The following ASXL3 variants were observed in gnomAD, a reference collection of about 807,000 sequenced individuals.
ASXL3 encodes putative Polycomb group protein ASXL3.
In ASXL3, 34 loss-of-function variants were observed where a neutral mutation model predicts 170.6. That is an observed-to-expected ratio of 0.20 (90% CI 0.15 to 0.27). The LOEUF (loss-of-function observed/expected upper bound fraction) is 0.27, where lower values mean the gene tolerates loss of function less well. Among genes scored for constraint, ASXL3 ranks in the 10% least tolerant of loss-of-function variants. The probability of loss-of-function intolerance (pLI) is 1.00; values close to 1 mark genes in which losing one functional copy is unlikely to be tolerated. For missense variants in ASXL3, 2,592 were observed against 2,695.3 expected (o/e 0.96, Z 0.85); for synonymous variants, 1,002 against 989.1 (o/e 1.01, Z -0.24).
At position 33,736,542 on chromosome 18, in the gene ASXL3, C is replaced by T. The variant is rs529889007; in HGVS notation, c.1083-1945C>T. On this transcript the variant is annotated intron_variant, in intron 10 of 11. Transcript: ENST00000269197. ...TTTTTAGTTGACTGACACCACGTGC[C>T]TTTTCATTGCTGTACGCTTTTTCAA... 2.6e-5 allele frequency among the ~76,000 whole-genome samples: 4 copies of T among 152,180 alleles called. No individual in the cohort carries two copies. The South Asian group carries it at 8.3e-4, about 32-fold the overall frequency.
rs902340841 is a variant in ASXL3 at position 33,580,501 on chromosome 18, A to G, written c.54+1816A>G. Among the ~76,000 whole-genome samples, 5 of 152,342 alleles carry G rather than the reference A, an allele frequency of 3.3e-5. 1 individual carries two copies. The South Asian group carries it at 8.3e-4, about 25-fold the overall frequency. ...GTTGATTTATAAATATTTAAAAATA[A>G]TAAGTCATGAATTAGCCATATCTGC... is the stretch of plus-strand genomic sequence containing the variant. On this transcript the variant is annotated intron_variant, in intron 1 of 11. Coordinates refer to ENST00000269197, the MANE Select transcript of ASXL3 (RefSeq NM_030632.3).
rs141736718 is a variant in ASXL3, at chr18:33,702,968, G to A, written c.879+19400G>A. 7.9e-5 allele frequency among the ~76,000 whole-genome samples: 12 copies of A among 152,134 alleles called. No homozygotes were observed. The East Asian group carries it at 1.2e-3, about 15-fold the overall frequency. On this transcript the variant is annotated intron_variant, in intron 8 of 11. Coordinates refer to ENST00000269197, the MANE Select transcript of ASXL3 (RefSeq NM_030632.3). The stretch of plus-strand genomic sequence containing the variant: ...ATTGCTTTATTGTTTTCAACAATGC[G>A]GTGGGCATAAATTGCTCCATAGTCT...
In ASXL3 at chr18:33,578,680, C is replaced by T; in HGVS notation, c.49C>T (p.Arg17Cys). 3 of 1,332,182 alleles carry T rather than the reference C, an allele frequency of 2.3e-6. No homozygotes were observed. Among genetic ancestry groups the T allele is most frequent in the South Asian group, 1.7e-5 (1 of 59,640 alleles). The allele number at this position is 1,332,182 out of a possible 1,614,324, so 82.5% of individuals were successfully genotyped here. ...GGACCGCACCTGGGCCGAGGCTGCC[C>T]GCCTGGTACGTACCGCCCCCCACAC... The part of the protein sequence containing the change: ...KKDRTWAEAA[R>C]LALEKHPNSP... The change falls in exon 1 of 12, where the codon CGC (arginine) becomes TGC (cysteine). Residue 17 changes from arginine (R) to cysteine (C), a missense_variant. This residue lies in a region of ASXL3 where 251 missense variants were observed against 281.9 expected (regional missense o/e 0.89). Coordinates refer to ENST00000269197, the MANE Select transcript of ASXL3 (RefSeq NM_030632.3).
intron 8 of ASXL3, among the ~76,000 whole-genome samples, chr18:33,692,450 A>G (rs886835368): frequency 6.6e-6 from 1 of 152,012 alleles, no homozygotes; most frequent in Non-Finnish European, 1.5e-5. Context: ...CTCTGCAGGG[A>G]TGCTTTCCTG....
At chr18:33,668,741 T>C (rs2066296962) in intron 5 of ASXL3, among the ~76,000 whole-genome samples, 1 of 152,160 alleles carries the variant, frequency 6.6e-6, no homozygotes, top group South Asian at 2.1e-4. Flanking sequence ...CAGAGTCCTC[T>C]CAGCTCTAGA....
chr18:33,609,229 A>G (rs2065296587), intron 2 of ASXL3, among the ~76,000 whole-genome samples: 1 of 151,964 alleles, frequency 6.6e-6, no homozygotes, highest in South Asian at 2.1e-4. Flanking sequence ...TGACATTTAG[A>G]AAGCACTGAA....
At chr18:33,609,705 C>T (rs2065305114) in intron 2 of ASXL3, among the ~76,000 whole-genome samples, 1 of 151,912 alleles carries the variant, frequency 6.6e-6, no homozygotes, top group African/African-American at 2.4e-5. Context: ...ACTATTTGTC[C>T]TTCTGTAAGG....
chr18:33,712,206 CATTT>C (rs1372618111), intron 8 of ASXL3, among the ~76,000 whole-genome samples: 1 of 152,046 alleles, frequency 6.6e-6, no homozygotes, highest in African/African-American at 2.4e-5. Flanking sequence ...CCACCTGATA[CATTT>C]ATTTATTTAT....
chr18:33,579,272 C>T (rs1233585669), intron 1 of ASXL3, among the ~76,000 whole-genome samples: 1 of 152,064 alleles, frequency 6.6e-6, no homozygotes, highest in East Asian at 1.9e-4. Context: ...TTGTGTGGCT[C>T]CAGTTCGTTT....
At position 33,658,296 on chromosome 18, in the gene ASXL3, A is replaced by G; in HGVS notation, c.356-3320A>G. ...CCTTCATTATTTATTTATCACATCT[A>G]TTATTAAGAAAGCTGCAAGAATAAG... is the stretch of plus-strand genomic sequence containing the variant. On this transcript the variant is annotated intron_variant, in intron 4 of 11. Coordinates refer to ENST00000269197, the MANE Select transcript of ASXL3 (RefSeq NM_030632.3). 1.3e-5 allele frequency among the ~76,000 whole-genome samples: 2 copies of G among 152,114 alleles called. 1 individual carries two copies. The highest frequency in any genetic ancestry group is 3.9e-4 in the East Asian group (2 of 5,178).
Position 33,743,504 on chromosome 18 carries a change from C to T in ASXL3, c.3656C>T (p.Ser1219Phe), listed in dbSNP as rs745307529. 12 of 1,613,404 alleles carry T rather than the reference C, an allele frequency of 7.4e-6. 1 individual carries two copies. In the South Asian group the frequency reaches 8.8e-5, roughly 12 times the overall value. ...CATTTATCTGAGAAAATTGTTTCAT[C>T]TACCTCTTCTGAAAATAGCAGTGTG... is the stretch of plus-strand genomic sequence containing the variant. ...VSHLSEKIVSSTSSENSSVPM... is the reference protein window; with the variant it reads ...VSHLSEKIVSFTSSENSSVPM... The change falls in exon 12 of 12, where the codon TCT becomes TTT. Residue 1219 changes from serine to phenylalanine, a missense_variant. Coordinates refer to ENST00000269197, the MANE Select transcript of ASXL3 (RefSeq NM_030632.3).
intron 11 of ASXL3, among the ~76,000 whole-genome samples, chr18:33,740,755 T>C (rs1216499473): frequency 6.6e-6 from 1 of 152,184 alleles, no homozygotes; most frequent in African/African-American, 2.4e-5. Context: ...GAGACCTATG[T>C]AAACCTGGGA....
rs2067461094 is a variant in ASXL3, at chr18:33,732,187, C to T, written c.976+123C>T. 7 of 541,644 alleles carry T rather than the reference C, an allele frequency of 1.3e-5. No individual in the cohort carries two copies. In the East Asian group the frequency reaches 1.9e-4, roughly 15 times the overall value. 33.6% of individuals were successfully genotyped at this position (541,644 alleles called of 1,614,324 possible). A position where few individuals can be genotyped will look rare whatever the true frequency, so the allele number is the denominator to read the frequency against. On this transcript the variant is annotated intron_variant, in intron 9 of 11. Transcript: ENST00000269197. ...AGTACACTTTAATTTAGTAAAAACT[C>T]ATATCCCTTTCCAAATGAGTTCACT...
Position 33,746,332 on chromosome 18 carries a change from A to G in ASXL3, c.6484A>G (p.Thr2162Ala). ...TTATCCAACAATACACTTTGGTAGC[A>G]CGAGTTTCAAAAGGGCAGCATCTGC... ...GNYPTIHFGS[T>A]SFKRAASAIE... The change falls in exon 12 of 12, where the codon ACG becomes GCG. Residue 2162 changes from threonine to alanine, a missense_variant. By Grantham distance (58) the Thr-to-Ala change is moderately conservative. Around this residue, in one of 4 missense-constraint regions of ASXL3, gnomAD observed 2,246 missense variants for 2,219.6 expected, o/e 1.01. Coordinates refer to ENST00000269197, the MANE Select transcript of ASXL3 (RefSeq NM_030632.3). 1 of 1,614,020 alleles carries G rather than the reference A, an allele frequency of 6.2e-7. No homozygotes were observed. The highest frequency in any genetic ancestry group is 8.5e-7 in the Non-Finnish European group (1 of 1,179,894).
At chr18:33,624,748 C>A (rs1388356818) in intron 2 of ASXL3, among the ~76,000 whole-genome samples, 1 of 152,068 alleles carries the variant, frequency 6.6e-6, no homozygotes. Flanking sequence ...CTTTAGGGAG[C>A]AAAACCAATT....
At chr18:33,659,696 C>CAGTG (rs2066141215) in intron 4 of ASXL3, among the ~76,000 whole-genome samples, 1 of 151,712 alleles carries the variant, frequency 6.6e-6, no homozygotes. Context: ...AAAATTATTC[C>CAGTG]AGTGATTATT....
At chr18:33,672,947 T>C (rs2066368618) in intron 7 of ASXL3, among the ~76,000 whole-genome samples, 1 of 152,312 alleles carries the variant, frequency 6.6e-6, no homozygotes, top group East Asian at 1.9e-4. Flanking sequence ...TCTTTAAATA[T>C]AGCATACTTC....
At chr18:33,714,963 A>C (rs2067138858) in intron 8 of ASXL3, among the ~76,000 whole-genome samples, 1 of 152,180 alleles carries the variant, frequency 6.6e-6, no homozygotes, top group Non-Finnish European at 1.5e-5. Context: ...TAACAAGGAC[A>C]GCTGATTGCA....
At chr18:33,670,157 G>C (rs925768023) in intron 5 of ASXL3, among the ~76,000 whole-genome samples, 1 of 152,182 alleles carries the variant, frequency 6.6e-6, no homozygotes, top group Non-Finnish European at 1.5e-5. Flanking sequence ...CTGCCATGTT[G>C]AGTGATTTTG....
Sources: allele counts gnomAD v4.1 joint callset (sites outside exome capture counted in the v4.1 genomes callset), GRCh38; gene constraint gnomAD v4.1.1; regional missense constraint gnomAD v4.1.1; transcripts MANE v1.5; gene names NCBI Gene and HGNC (gene_info 2026-07-23, HGNC 2026-07-21).